SRBD1: variants seen among roughly 807,000 people sequenced by gnomAD.
SRBD1 encodes the protein S1 RNA binding domain 1, also known as S1 RNA-binding domain-containing protein 1.
Under a neutral mutation model 115.3 loss-of-function variants are expected in SRBD1, and 88 were observed. The ratio of observed to expected loss-of-function variants is 0.76; its 90% confidence interval spans 0.64 to 0.91. SRBD1 has a LOEUF of 0.91. Ranked by LOEUF, SRBD1 falls within the 40% of genes least tolerant of loss-of-function variation. SRBD1 has a pLI of 0.00. For missense variants in SRBD1, 1,385 were observed against 1,177.4 expected (o/e 1.18, Z -2.58); for synonymous variants, 509 against 407.7 (o/e 1.25, Z -2.99).
At chr2:45,575,929 C>T (rs892820390) in intron 7 of SRBD1, among the ~76,000 whole-genome samples, 7 of 152,168 alleles carry the variant, frequency 4.6e-5, no homozygotes, top group Non-Finnish European at 1.0e-4. Flanking sequence ...GTCTCGAACT[C>T]GTGACCTCAA....
chr2:45,512,015 T>G (rs1013060833), intron 14 of SRBD1, among the ~76,000 whole-genome samples: 4 of 152,202 alleles, frequency 2.6e-5, no homozygotes, highest in African/African-American at 9.7e-5. Context: ...GCTACGTGAT[T>G]TGCTTTGCTT....
intron 19 of SRBD1, among the ~76,000 whole-genome samples, chr2:45,409,180 C>A (rs964611928): frequency 6.6e-6 from 1 of 152,140 alleles, no homozygotes; most frequent in African/African-American, 2.4e-5. Context: ...CAAGATCACA[C>A]TACTGCACTC....
intron 14 of SRBD1, among the ~76,000 whole-genome samples, chr2:45,503,372 T>C (rs1670695756): frequency 1.3e-5 from 2 of 152,208 alleles, no homozygotes; most frequent in African/African-American, 4.8e-5. Flanking sequence ...TTCATAATCA[T>C]TGGTCAGCCC....
chr2:45,555,203 T>G (rs560648862), intron 10 of SRBD1, among the ~76,000 whole-genome samples: 1 of 152,134 alleles, frequency 6.6e-6, no homozygotes, highest in Non-Finnish European at 1.5e-5. Flanking sequence ...CTGGGCAACA[T>G]AGCCAGACCT....
At chr2:45,587,307 TA>T (rs1414016176) in intron 4 of SRBD1, among the ~76,000 whole-genome samples, 1 of 148,550 alleles carries the variant, frequency 6.7e-6, no homozygotes, top group Non-Finnish European at 1.5e-5. Context: ...ACAATAATAT[TA>T]AAAGATGATT....
At chr2:45,586,622 T>C (rs867852436) in intron 4 of SRBD1, among the ~76,000 whole-genome samples, 1 of 152,030 alleles carries the variant, frequency 6.6e-6, no homozygotes, top group South Asian at 2.1e-4. Flanking sequence ...TGTGATTCAA[T>C]GCAACCTTGA....
At chr2:45,474,576 T>G (rs780385723) in intron 16 of SRBD1, among the ~76,000 whole-genome samples, 40 of 152,226 alleles carry the variant, frequency 2.6e-4, no homozygotes, top group Non-Finnish European at 4.6e-4. Flanking sequence ...CAGGCCTAGC[T>G]TTGCTATATG....
intron 16 of SRBD1, among the ~76,000 whole-genome samples, chr2:45,435,329 T>G (rs1007570741): frequency 3.3e-5 from 5 of 151,906 alleles, no homozygotes; most frequent in Non-Finnish European, 7.4e-5. Flanking sequence ...GAGAACACTT[T>G]CTAGACTGTG....
At chr2:45,560,459 C>T (rs1013397796) in intron 10 of SRBD1, among the ~76,000 whole-genome samples, 1 of 152,118 alleles carries the variant, frequency 6.6e-6, no homozygotes, top group Non-Finnish European at 1.5e-5. Context: ...TAACAGATAC[C>T]ATCAAAGGCC....
intron 14 of SRBD1, among the ~76,000 whole-genome samples, chr2:45,537,512 C>CT (rs1376933149): frequency 6.6e-6 from 1 of 152,174 alleles, no homozygotes; most frequent in African/African-American, 2.4e-5. Flanking sequence ...ACTCTGCTGA[C>CT]TGGATGATCG....
chr2:45,398,178 A>G (rs1667199062), intron 19 of SRBD1, among the ~76,000 whole-genome samples: 1 of 152,208 alleles, frequency 6.6e-6, no homozygotes. Flanking sequence ...GTAAATTAAC[A>G]TACTAAGATA....
intron 10 of SRBD1, among the ~76,000 whole-genome samples, chr2:45,561,656 T>C (rs1433982021): frequency 2.0e-5 from 3 of 152,208 alleles, no homozygotes; most frequent in Non-Finnish European, 4.4e-5. Flanking sequence ...ACTGGCTAAG[T>C]GGTGGCTACA....
chr2:45,568,442 T>C lies in SRBD1; in HGVS notation c.1305+4765A>G, dbSNP rs546163371. 3.9e-5 allele frequency among the ~76,000 whole-genome samples: 6 copies of C among 152,306 alleles called. No individual in the cohort carries two copies. The East Asian group carries it at 7.7e-4, about 20-fold the overall frequency. ...ACATGAGGTCTCAGCACTATAGGAA[T>C]TGGGAAGCTGTTTTTGTAACCTAGC... On this transcript the variant is annotated intron_variant, in intron 9 of 20. Coordinates refer to ENST00000263736, the MANE Select transcript of SRBD1 (RefSeq NM_018079.5).
At chr2:45,499,945 T>C (rs35527363) in intron 14 of SRBD1, among the ~76,000 whole-genome samples, 75,337 of 152,022 alleles carry the variant, frequency 0.5, 20,146 homozygotes, top group Non-Finnish European at 0.62. Flanking sequence ...TTCAGCTTTG[T>C]TCGTTTTGCT....
At chr2:45,509,598 AACACACACACACACACACACACACAC>A (rs1179307941) in intron 14 of SRBD1, among the ~76,000 whole-genome samples, 3 of 125,442 alleles carry the variant, frequency 2.4e-5, no homozygotes, top group African/African-American at 6.0e-5. Flanking sequence ...TCCGTCTCAA[AACACACACACACACACACACACACAC>A]ACACACACAC....
At chr2:45,438,432 C>G (rs1188690630) in intron 16 of SRBD1, among the ~76,000 whole-genome samples, 1 of 152,126 alleles carries the variant, frequency 6.6e-6, no homozygotes, top group Admixed American at 6.5e-5. Flanking sequence ...TAGGATGACC[C>G]AGATGTTGGA....
At chr2:45,593,433 T>C (rs923572579) in intron 4 of SRBD1, among the ~76,000 whole-genome samples, 1 of 152,170 alleles carries the variant, frequency 6.6e-6, no homozygotes, top group African/African-American at 2.4e-5. Context: ...GTTTCCCCTA[T>C]GCTGGTCTCA....
At chr2:45,434,667 C>G (rs992777308) in intron 16 of SRBD1, among the ~76,000 whole-genome samples, 3 of 152,078 alleles carry the variant, frequency 2.0e-5, no homozygotes, top group Non-Finnish European at 2.9e-5. Context: ...TGTCAAGGGT[C>G]TCCAGTTGAC....
intron 16 of SRBD1, among the ~76,000 whole-genome samples, chr2:45,449,484 A>G (rs1668927463): frequency 6.6e-6 from 1 of 152,204 alleles, no homozygotes; most frequent in Non-Finnish European, 1.5e-5. Flanking sequence ...TCAAAGTTAT[A>G]TTACTTTTAC....
Sources: gnomAD v4.1 joint callset for allele counts (sites outside exome capture counted in the v4.1 genomes callset) on GRCh38, gnomAD v4.1.1 for gene constraint, MANE v1.5 for transcripts, NCBI Gene and HGNC (gene_info 2026-07-23, HGNC 2026-07-21) for gene names.